The following CDH13 variants were observed in gnomAD, a reference collection of about 807,000 sequenced individuals.
CDH13 encodes the protein cadherin 13.
Under a neutral mutation model 63.8 loss-of-function variants are expected in CDH13, and 24 were observed. The observed-to-expected ratio is 0.38, with a 90% CI of 0.27 to 0.53. CDH13 has a LOEUF of 0.53. CDH13 is among the 20% of genes least tolerant of loss of function. The probability of loss-of-function intolerance (pLI) is 0.85; values close to 1 mark genes in which losing one functional copy is unlikely to be tolerated. For synonymous variants in CDH13, 503 were observed against 355.3 expected (o/e 1.42, Z -4.67); for missense variants, 1,049 against 903.1 (o/e 1.16, Z -2.07).
chr16:82,755,889 A>G (rs2034595265), intron 1 of CDH13, among the ~76,000 whole-genome samples: 1 of 152,212 alleles, frequency 6.6e-6, no homozygotes, highest in African/African-American at 2.4e-5. Flanking sequence ...CAATCAAGAA[A>G]ATATGAAGAG....
chr16:83,751,340 A>G (rs1415298741), intron 11 of CDH13, among the ~76,000 whole-genome samples: 2 of 152,188 alleles, frequency 1.3e-5, no homozygotes, highest in Non-Finnish European at 2.9e-5. Context: ...CATGCCTGCA[A>G]TGTCAGCACT....
chr16:83,399,128 G>T (rs1260259156), intron 6 of CDH13, among the ~76,000 whole-genome samples: 3 of 152,204 alleles, frequency 2.0e-5, no homozygotes, highest in African/African-American at 7.2e-5. Flanking sequence ...TCAATAGATG[G>T]TTTGTTTCTG....
chr16:83,031,485 C>CAT (rs1567762148), intron 2 of CDH13, among the ~76,000 whole-genome samples: 6 of 150,828 alleles, frequency 4.0e-5, no homozygotes, highest in Admixed American at 1.3e-4. Context: ...CATGTATATG[C>CAT]ACATCGTTAA....
intron 8 of CDH13, among the ~76,000 whole-genome samples, chr16:83,665,495 C>G (rs909659241): frequency 2.6e-5 from 4 of 152,172 alleles, no homozygotes; most frequent in Non-Finnish European, 5.9e-5. Flanking sequence ...TAAACATAGA[C>G]TCAAAAATGT....
chr16:82,970,523 C>A (rs2151367189), intron 2 of CDH13, among the ~76,000 whole-genome samples: 1 of 143,260 alleles, frequency 7.0e-6, no homozygotes, highest in South Asian at 2.2e-4. Context: ...CCTCAGCCTC[C>A]CGAGTAGCTG....
rs187333165 is a variant in CDH13, at chr16:83,729,758, G to T, written c.1539-18350G>T. ...AGCAAGTGCTCAATAAATATTATCTGTGACTCTATTATTATCATCATCATG... is the reference window on the plus strand; with the variant it reads ...AGCAAGTGCTCAATAAATATTATCTTTGACTCTATTATTATCATCATCATG... On this transcript the variant is annotated intron_variant, in intron 10 of 13. Coordinates refer to ENST00000567109, the MANE Select transcript of CDH13 (RefSeq NM_001257.5). 3.3e-4 allele frequency among the ~76,000 whole-genome samples: 50 copies of T among 152,324 alleles called. 1 individual carries two copies. The East Asian group carries it at 8.7e-3, about 26-fold the overall frequency.
At chr16:83,745,469 G>A (rs186957499) in intron 10 of CDH13, among the ~76,000 whole-genome samples, 1 of 152,184 alleles carries the variant, frequency 6.6e-6, no homozygotes, top group Admixed American at 6.5e-5. Context: ...CAGATGATTG[G>A]TTCTGAGACT....
intron 7 of CDH13, among the ~76,000 whole-genome samples, chr16:83,569,064 C>G (rs924855471): frequency 1.3e-5 from 2 of 152,020 alleles, no homozygotes; most frequent in Non-Finnish European, 2.9e-5. Context: ...GTCTGGCCTC[C>G]TCTCCTTTCC....
At chr16:83,475,813 G>C (rs1170490795) in intron 6 of CDH13, among the ~76,000 whole-genome samples, 3 of 152,206 alleles carry the variant, frequency 2.0e-5, no homozygotes, top group Admixed American at 1.3e-4. Context: ...TTGGACTCCT[G>C]ACCTCGGGTG....
At chr16:82,977,456 G>A (rs1390422618) in intron 2 of CDH13, among the ~76,000 whole-genome samples, 1 of 152,200 alleles carries the variant, frequency 6.6e-6, no homozygotes, top group Non-Finnish European at 1.5e-5. Flanking sequence ...CCTAGTGGGA[G>A]GTAATTTAAT....
intron 6 of CDH13, among the ~76,000 whole-genome samples, chr16:83,412,387 A>C (rs1345531473): frequency 6.6e-6 from 1 of 152,160 alleles, no homozygotes; most frequent in Non-Finnish European, 1.5e-5. Context: ...GCTTGAACCT[A>C]GGAGGCAGAG....
intron 6 of CDH13, among the ~76,000 whole-genome samples, chr16:83,363,981 T>A (rs2091211633): frequency 6.6e-6 from 1 of 152,120 alleles, no homozygotes; most frequent in Admixed American, 6.5e-5. Flanking sequence ...AGCCATGACA[T>A]TAATACTTCT....
intron 2 of CDH13, among the ~76,000 whole-genome samples, chr16:82,874,913 A>G (rs535730507): frequency 6.6e-6 from 1 of 152,296 alleles, no homozygotes; most frequent in African/African-American, 2.4e-5. Context: ...GGATTGCCAG[A>G]TGGATACTCA....
At chr16:82,729,408 A>G (rs2033277555) in intron 1 of CDH13, among the ~76,000 whole-genome samples, 1 of 152,196 alleles carries the variant, frequency 6.6e-6, no homozygotes, top group Admixed American at 6.5e-5. Context: ...AACAGGCATG[A>G]AAAAACTAGT....
intron 3 of CDH13, among the ~76,000 whole-genome samples, chr16:83,045,409 C>G (rs113920487): frequency 6.6e-6 from 1 of 151,868 alleles, no homozygotes; most frequent in East Asian, 1.9e-4. Context: ...GAGACTGAGG[C>G]AGGTGGATCA....
In CDH13 at chr16:82,780,770, C is replaced by T. The variant is rs181122206; in HGVS notation, c.46-77592C>T. Among the ~76,000 whole-genome samples, 552 of 152,234 alleles carry T rather than the reference C, an allele frequency of 3.6e-3. 1 individual carries two copies. Among genetic ancestry groups the T allele is most frequent in the Admixed American group, 8.2e-3 (126 of 15,282 alleles). On this transcript the variant is annotated intron_variant, in intron 1 of 13. Coordinates refer to ENST00000567109, the MANE Select transcript of CDH13 (RefSeq NM_001257.5). ...CCATGCTGACAGCTTTTTTCTTTCA[C>T]GCTGGTTCATTGTTCTATTGTTGTC...
intron 1 of CDH13, among the ~76,000 whole-genome samples, chr16:82,652,943 ATTCATTGATTCG>A (rs1910899027): frequency 6.6e-6 from 1 of 152,252 alleles, no homozygotes; most frequent in South Asian, 2.1e-4. Flanking sequence ...TAGCTCATTC[ATTCATTGATTCG>A]TTCATTCATG....
At chr16:82,693,985 G>C (rs2029946871) in intron 1 of CDH13, among the ~76,000 whole-genome samples, 1 of 152,128 alleles carries the variant, frequency 6.6e-6, no homozygotes, top group South Asian at 2.1e-4. Context: ...TGCGTACATG[G>C]TCCTGGGCAA....
chr16:83,235,760 G>A (rs778015201), intron 5 of CDH13, among the ~76,000 whole-genome samples: 1 of 151,932 alleles, frequency 6.6e-6, no homozygotes, highest in Non-Finnish European at 1.5e-5. Context: ...TCAACTATAC[G>A]GCACACTTAA....
Sources: gnomAD v4.1 joint callset for allele counts (sites outside exome capture counted in the v4.1 genomes callset) on GRCh38, gnomAD v4.1.1 for gene constraint, MANE v1.5 for transcripts, NCBI Gene and HGNC (gene_info 2026-07-23, HGNC 2026-07-21) for gene names.